SRPK1: variants seen among roughly 807,000 people sequenced by gnomAD.
SRPK1 encodes the protein SFRS protein kinase 1.
A neutral mutation model predicts 89.5 loss-of-function variants in SRPK1; 52 were observed. The observed-to-expected ratio is 0.58, with a 90% CI of 0.46 to 0.73. SRPK1 has a LOEUF of 0.73. Ranked by LOEUF, SRPK1 falls within the 30% of genes least tolerant of loss-of-function variation. The pLI is 0.00. For synonymous variants in SRPK1, 255 were observed against 270.2 expected (o/e 0.94, Z 0.55); for missense variants, 603 against 780.6 (o/e 0.77, Z 2.71).
chr6:35,837,877 T>TC (rs1189886917), intron 15 of SRPK1, among the ~76,000 whole-genome samples: 1 of 151,320 alleles, frequency 6.6e-6, no homozygotes, highest in Non-Finnish European at 1.5e-5. Flanking sequence ...GCTTTTTTTT[T>TC]TTTTTTGTGA....
At chr6:35,866,960 T>C (rs1411668879) in intron 12 of SRPK1, among the ~76,000 whole-genome samples, 2 of 152,136 alleles carry the variant, frequency 1.3e-5, no homozygotes, top group African/African-American at 4.8e-5. Flanking sequence ...AGCTGCATAA[T>C]GTGTACACAT....
At chr6:35,865,976 G>A (rs551074503) in intron 12 of SRPK1, among the ~76,000 whole-genome samples, 11 of 151,492 alleles carry the variant, frequency 7.3e-5, no homozygotes, top group Non-Finnish European at 1.5e-4. Context: ...GACCCAACAG[G>A]GGACTAACAT....
chr6:35,898,662 G>A (rs1222264380), intron 2 of SRPK1, among the ~76,000 whole-genome samples: 2 of 152,078 alleles, frequency 1.3e-5, no homozygotes, highest in African/African-American at 4.8e-5. Context: ...AACTTGGGAG[G>A]CGGAGGTGGC....
intron 2 of SRPK1, among the ~76,000 whole-genome samples, chr6:35,905,205 T>A (rs943852014): frequency 6.6e-6 from 1 of 152,064 alleles, no homozygotes; most frequent in Non-Finnish European, 1.5e-5. Context: ...GAGAATCACA[T>A]AAAAACAAAG....
At chr6:35,869,415 T>G (rs1769982390) in intron 11 of SRPK1, 67 bp downstream of exon 11, 1 of 1,523,826 alleles carries the variant, frequency 6.6e-7, no homozygotes, top group Non-Finnish European at 8.9e-7. Context: ...ATCATACTTT[T>G]AGTCTAGAAA....
At chr6:35,868,383 AAAT>A (rs529481758) in intron 12 of SRPK1, among the ~76,000 whole-genome samples, 159 of 152,354 alleles carry the variant, frequency 1.0e-3, no homozygotes, top group African/African-American at 3.8e-3. Context: ...AAAATAAGTT[AAAT>A]GACACTATAC....
chr6:35,840,094 A>AC (rs1769275253), intron 14 of SRPK1, among the ~76,000 whole-genome samples: 2 of 152,170 alleles, frequency 1.3e-5, no homozygotes, highest in Non-Finnish European at 2.9e-5. Context: ...GGCGTGAACC[A>AC]CCACACCCGG....
chr6:35,849,484 T>C (rs1769508826), intron 13 of SRPK1, among the ~76,000 whole-genome samples: 1 of 152,232 alleles, frequency 6.6e-6, no homozygotes, highest in Admixed American at 6.5e-5. Context: ...ATCCCACTTC[T>C]GGATATTTAC....
chr6:35,907,431 C>T (rs535319894), intron 2 of SRPK1, among the ~76,000 whole-genome samples: 3 of 152,042 alleles, frequency 2.0e-5, no homozygotes, highest in South Asian at 4.2e-4. Flanking sequence ...TGAGGCTGGG[C>T]GCGATGGCTC....
At chr6:35,855,838 G>A (rs1331985000) in intron 13 of SRPK1, among the ~76,000 whole-genome samples, 4 of 152,162 alleles carry the variant, frequency 2.6e-5, no homozygotes, top group African/African-American at 7.2e-5. Context: ...AGGTTCAAGC[G>A]ATTCTCCTGC....
At chr6:35,869,134 T>C in intron 11 of SRPK1, 24 bp from the exon 12 acceptor site, 1 of 1,567,874 alleles carries the variant, frequency 6.4e-7, no homozygotes. Flanking sequence ...GCATCATCAA[T>C]AAGACTGTTC....
In SRPK1 at chr6:35,860,694, G is replaced by A. The variant is rs369708914; in HGVS notation, c.1513-3326C>T. On this transcript the variant is annotated intron_variant, in intron 12 of 15. Transcript: ENST00000373825. ...TTGTTGTGATATGATGTACATTCTA[G>A]TGAGAGGCTTATTAAGCAAATAAAC... Among the ~76,000 whole-genome samples, 35 of 152,262 alleles carry A rather than the reference G, an allele frequency of 2.3e-4. No individual in the cohort carries two copies. In the East Asian group the frequency reaches 5.8e-3, roughly 25 times the overall value.
chr6:35,880,742 A>AAAAGAAAGAAAG (rs1770259948), intron 6 of SRPK1, among the ~76,000 whole-genome samples: 383 of 27,746 alleles, frequency 0.014, no homozygotes, highest in Middle Eastern at 0.038. Context: ...AAAGAAAAAA[A>AAAAGAAAGAAAG]AAAAAAAAGA....
intron 12 of SRPK1, among the ~76,000 whole-genome samples, chr6:35,862,451 G>A (rs1471183651): frequency 2.0e-5 from 3 of 151,854 alleles, no homozygotes; most frequent in African/African-American, 7.3e-5. Context: ...TACTACCAGA[G>A]GTACCCAAAA....
rs2151076365 is a variant in SRPK1, at chr6:35,835,350, C to G, written c.1922G>C (p.Arg641Thr). Residue 641 changes from arginine to threonine, a missense_variant, in exon 16 of 16, where the codon AGA (arginine) becomes ACA (threonine). Physicochemically the swap from Arg to Thr is moderately conservative, Grantham distance 71 (BLOSUM62 -1). Transcript: ENST00000373825. Reference protein sequence around the residue: ...LPMLELIPEKRATAAECLRHP... With the variant: ...LPMLELIPEKTATAAECLRHP... ...CCGGAGACACTCGGCGGCAGTGGCT[C>G]TCTTCTCAGGGATCAGCTCCAACAT... 6.2e-7 allele frequency: 1 copy of G among 1,613,836 alleles called. No individual in the cohort carries two copies. Among genetic ancestry groups the G allele is most frequent in the Non-Finnish European group, 8.5e-7 (1 of 1,179,844 alleles).
chr6:35,835,513 A>G (rs762125126), intron 15 of SRPK1, 25 bp from the exon 16 acceptor site: 1 of 1,588,598 alleles, frequency 6.3e-7, no homozygotes, highest in South Asian at 1.2e-5. Context: ...GTACAGAAAA[A>G]GCCACTGATC....
At chr6:35,868,104 C>A (rs997914620) in intron 12 of SRPK1, among the ~76,000 whole-genome samples, 13 of 151,964 alleles carry the variant, frequency 8.6e-5, no homozygotes, top group African/African-American at 3.1e-4. Context: ...TCCCAAGTAG[C>A]TGGTATTACA....
At chr6:35,883,985 G>T (rs141631528) in intron 6 of SRPK1, among the ~76,000 whole-genome samples, 1,660 of 151,946 alleles carry the variant, frequency 0.011, 16 homozygotes, top group East Asian at 0.04. Flanking sequence ...CGCCCACCTC[G>T]GCCTCCCAAA....
At chr6:35,882,998 G>A (rs1198903705) in intron 6 of SRPK1, among the ~76,000 whole-genome samples, 1 of 152,140 alleles carries the variant, frequency 6.6e-6, no homozygotes, top group African/African-American at 2.4e-5. Flanking sequence ...TAGTAGAGAT[G>A]GGGTTTCGCC....
Sources: gnomAD v4.1 joint callset for allele counts (sites outside exome capture counted in the v4.1 genomes callset) on GRCh38, gnomAD v4.1.1 for gene constraint, MANE v1.5 for transcripts, NCBI Gene and HGNC (gene_info 2026-07-23, HGNC 2026-07-21) for gene names.